Variants in DLC1 observed in about 807,000 individuals in gnomAD.
The protein encoded by DLC1 is rho GTPase-activating protein 7.
A neutral mutation model predicts 140.3 loss-of-function variants in DLC1; 54 were observed. The ratio of observed to expected loss-of-function variants is 0.38; its 90% CI spans 0.31 to 0.48. The LOEUF is 0.48. DLC1 is among the 20% of genes least tolerant of loss of function. The probability of loss-of-function intolerance (pLI) is 0.96; values close to 1 mark genes in which losing one functional copy is unlikely to be tolerated. For synonymous variants in DLC1, 986 were observed against 728.1 expected, an observed-to-expected ratio of 1.35 and a Z score of -5.70; for missense variants, 2,536 against 1,907.0, an observed-to-expected ratio of 1.33 and a Z score of -6.14.
intron 5 of DLC1, among the ~76,000 whole-genome samples, chr8:13,156,750 G>C (rs755496071): frequency 1.8e-4 from 28 of 152,316 alleles, no homozygotes; most frequent in African/African-American, 6.7e-4. Context: ...TTAGGTGGAA[G>C]GCTAGCTCAG....
chr8:13,218,958 G>A lies in DLC1; in HGVS notation c.1348+86311C>T, dbSNP rs11986921. Among the ~76,000 whole-genome samples, 301 of 31,688 alleles carry A rather than the reference G, an allele frequency of 9.5e-3. 4 individuals are homozygous for A. The highest frequency in any genetic ancestry group is 0.06 in the African/African-American group (288 of 4,772). The allele number at this position is 31,688 out of a possible 152,430, so 20.8% of individuals were successfully genotyped here. A position where few individuals can be genotyped will look rare whatever the true frequency, so the allele number is the denominator to read the frequency against. On this transcript the variant is annotated intron_variant, in intron 5 of 17. Coordinates refer to ENST00000276297, the MANE Select transcript of DLC1 (RefSeq NM_182643.3). ...CGAATATGATTATATAATTATATAC[G>A]TATATAATTATATACGTATATAACT...
At chr8:13,550,426 A>G (rs1323018084) in intron 1 of DLC1, among the ~76,000 whole-genome samples, 3 of 152,090 alleles carry the variant, frequency 2.0e-5, no homozygotes, top group East Asian at 3.9e-4. Context: ...TCTTAATAGT[A>G]TCTTTGTAGC....
At chr8:13,184,946 G>T (rs1217805936) in intron 5 of DLC1, among the ~76,000 whole-genome samples, 1 of 152,048 alleles carries the variant, frequency 6.6e-6, no homozygotes, top group Non-Finnish European at 1.5e-5. Context: ...GCTCTTTGTA[G>T]GTCTGTAAGG....
intron 4 of DLC1, among the ~76,000 whole-genome samples, chr8:13,372,178 G>A (rs1700236185): frequency 6.6e-6 from 1 of 151,992 alleles, no homozygotes; most frequent in South Asian, 2.1e-4. Context: ...TTGATAGTGG[G>A]AAATAGAAAA....
intron 5 of DLC1, among the ~76,000 whole-genome samples, chr8:13,144,498 G>A (rs10088678): frequency 0.17 from 25,405 of 152,180 alleles, 2,274 homozygotes; most frequent in Non-Finnish European, 0.2. Flanking sequence ...CAGCACAGTG[G>A]CTCATGCCTG....
intron 5 of DLC1, among the ~76,000 whole-genome samples, chr8:13,131,601 G>T (rs1291724062): frequency 7.1e-6 from 1 of 140,338 alleles, no homozygotes; most frequent in Non-Finnish European, 1.6e-5. Flanking sequence ...GCAGATTAAT[G>T]ACTGCAAGCA....
At chr8:13,105,848 G>A (rs1819522403) in intron 7 of DLC1, among the ~76,000 whole-genome samples, 1 of 152,158 alleles carries the variant, frequency 6.6e-6, no homozygotes, top group Admixed American at 6.6e-5. Context: ...AAAGTGCTAG[G>A]ATCACAGGCA....
intron 4 of DLC1, among the ~76,000 whole-genome samples, chr8:13,323,873 C>T (rs929329153): frequency 6.6e-6 from 1 of 152,104 alleles, no homozygotes; most frequent in African/African-American, 2.4e-5. Context: ...AAAATAAAAG[C>T]ATTTTAAAGA....
At chr8:13,214,830 TG>T in intron 5 of DLC1, 1 of 767,282 alleles carries the variant, frequency 1.3e-6, no homozygotes, top group South Asian at 1.4e-5. Flanking sequence ...ATTTGAGTGC[TG>T]GTGGCAATCA....
intron 2 of DLC1, among the ~76,000 whole-genome samples, chr8:13,462,173 T>C (rs1487122405): frequency 6.6e-6 from 1 of 152,184 alleles, no homozygotes; most frequent in East Asian, 1.9e-4. Flanking sequence ...TCACCAAATA[T>C]ATTTTCAACT....
intron 5 of DLC1, among the ~76,000 whole-genome samples, chr8:13,138,155 G>A (rs914896410): frequency 2.0e-5 from 3 of 152,138 alleles, no homozygotes; most frequent in Non-Finnish European, 2.9e-5. Context: ...CTAAAGCACT[G>A]ACAGGCACTT....
At chr8:13,462,148 C>T (rs887363542) in intron 2 of DLC1, among the ~76,000 whole-genome samples, 1 of 152,174 alleles carries the variant, frequency 6.6e-6, no homozygotes, top group African/African-American at 2.4e-5. Flanking sequence ...ACTGCAAGGC[C>T]AGACGCCTCA....
intron 1 of DLC1, chr8:13,567,798 T>A: frequency 6.4e-7 from 1 of 1,551,820 alleles, no homozygotes; most frequent in Non-Finnish European, 8.7e-7. Flanking sequence ...CTGAGAAAAG[T>A]CATATCAGAT....
At chr8:13,318,954 A>T (rs1832973862) in intron 4 of DLC1, among the ~76,000 whole-genome samples, 1 of 152,184 alleles carries the variant, frequency 6.6e-6, no homozygotes, top group African/African-American at 2.4e-5. Flanking sequence ...AGCCTCATGT[A>T]ATCTCTCTCC....
intron 5 of DLC1, among the ~76,000 whole-genome samples, chr8:13,171,889 G>C (rs866066915): frequency 2.0e-5 from 3 of 152,258 alleles, no homozygotes; most frequent in Middle Eastern, 3.4e-3. Flanking sequence ...AGAGAGGTTT[G>C]GTTCTAAAGT....
chr8:13,457,130 C>G (rs1799426999), intron 2 of DLC1, among the ~76,000 whole-genome samples: 1 of 152,132 alleles, frequency 6.6e-6, no homozygotes, highest in Non-Finnish European at 1.5e-5. Context: ...ATGTGTCTGT[C>G]TTTGTCAGAA....
At chr8:13,437,250 G>A (rs1388030844) in intron 2 of DLC1, among the ~76,000 whole-genome samples, 1 of 152,156 alleles carries the variant, frequency 6.6e-6, no homozygotes, top group Admixed American at 6.5e-5. Context: ...GTGCAAATAG[G>A]GGAAGGAGAT....
chr8:13,098,660 G>A (rs1029612258), intron 9 of DLC1, 85 bp from the exon 10 acceptor site: 37 of 1,410,978 alleles, frequency 2.6e-5, no homozygotes, highest in Non-Finnish European at 3.5e-5. Flanking sequence ...CTGTTGCCCA[G>A]GCTGGAGTGC....
chr8:13,120,356 A>ATATATATATATATAT (rs1554577889), intron 5 of DLC1, among the ~76,000 whole-genome samples: 1 of 61,136 alleles, frequency 1.6e-5, no homozygotes, highest in South Asian at 7.5e-4. Context: ...AAAAAAAAAA[A>ATATATATATATATAT]ATATATATAT....
Sources: gnomAD v4.1 joint callset for allele counts (sites outside exome capture counted in the v4.1 genomes callset) on GRCh38, gnomAD v4.1.1 for gene constraint, MANE v1.5 for transcripts, NCBI Gene and HGNC (gene_info 2026-07-23, HGNC 2026-07-21) for gene names.